The following KCNH1 variants were observed in gnomAD, a reference collection of about 807,000 sequenced individuals.
KCNH1 encodes the protein potassium voltage-gated channel subfamily H member 1.
A neutral mutation model predicts 69.2 loss-of-function variants in KCNH1; 27 were observed. The observed-to-expected ratio is 0.39, with a 90% CI of 0.29 to 0.54. KCNH1 has a LOEUF of 0.54. Ranked by LOEUF, KCNH1 falls within the 20% of genes least tolerant of loss-of-function variation. The pLI is 0.68. For synonymous variants in KCNH1, 456 were observed against 487.7 expected (o/e 0.93, Z 0.86); for missense variants, 798 against 1,261.6 (o/e 0.63, Z 5.57).
intron 8 of KCNH1, among the ~76,000 whole-genome samples, chr1:210,799,202 C>T (rs1404572293): frequency 6.6e-6 from 1 of 152,100 alleles, no homozygotes; most frequent in Non-Finnish European, 1.5e-5. Context: ...AATCCTCCCA[C>T]AAACTGTATG....
Position 210,683,615 on chromosome 1 carries a change from G to C in KCNH1, c.2636C>G (p.Ser879Trp). The change falls in exon 11 of 11, where the codon TCG (serine) becomes TGG (tryptophan). Residue 879 changes from serine to tryptophan, a missense_variant. Around this residue, in one of 4 missense-constraint regions of KCNH1, gnomAD observed 331 missense variants for 363.2 expected, o/e 0.91. Transcript: ENST00000271751. The surrounding 1 kb of genome is among the most constrained non-coding windows in gnomAD (Gnocchi z 5.7). ...GCTCTTGGTGATGCCACTGTCACACGAGTCTGTCTTCTTCAGTGTGGCCTC... is the reference window on the plus strand; with the variant it reads ...GCTCTTGGTGATGCCACTGTCACACCAGTCTGTCTTCTTCAGTGTGGCCTC... ...SGEATLKKTD[S>W]CDSGITKSDL... 1 of 1,614,164 alleles carries C rather than the reference G, an allele frequency of 6.2e-7. No individual in the cohort carries two copies. Among genetic ancestry groups the C allele is most frequent in the East Asian group, 2.2e-5 (1 of 44,866 alleles).
rs181744981 is a variant in KCNH1, at chr1:211,001,239, G to C, written c.1032+17544C>G. Reference sequence around the variant, plus strand: ...GAGTGAACAGGCAACCTACAGAGTGGGAGAACATTTTTGCAATCTACTCAT... The same window carrying C: ...GAGTGAACAGGCAACCTACAGAGTGCGAGAACATTTTTGCAATCTACTCAT... On this transcript the variant is annotated intron_variant, in intron 6 of 10. Coordinates refer to ENST00000271751, the MANE Select transcript of KCNH1 (RefSeq NM_172362.3). Among the ~76,000 whole-genome samples the C allele has an allele frequency of 3.9e-3, 593 of 152,198 alleles. 1 individual carries two copies. The highest frequency in any genetic ancestry group is 7.7e-3 in the Non-Finnish European group (527 of 68,016).
intron 10 of KCNH1, among the ~76,000 whole-genome samples, chr1:210,693,855 AACTC>A (rs1207200585): frequency 2.0e-5 from 3 of 152,060 alleles, no homozygotes; most frequent in Admixed American, 6.5e-5. Context: ...CATGCTAACT[AACTC>A]ACTCCTACAG....
At chr1:210,924,677 C>T (rs1687531518) in intron 6 of KCNH1, among the ~76,000 whole-genome samples, 1 of 152,208 alleles carries the variant, frequency 6.6e-6, no homozygotes, top group Admixed American at 6.5e-5. Context: ...GCTGTCAGAG[C>T]TTCTGCACAC....
rs150560371 is a variant in KCNH1, at chr1:210,876,325, A to G, written c.1462+43315T>C. Reference sequence around the variant, plus strand: ...ATCTCTGTTTGGCATCTCAAATTTTACAATACCAAACCTGAATCCTTCCAT... The same window carrying G: ...ATCTCTGTTTGGCATCTCAAATTTTGCAATACCAAACCTGAATCCTTCCAT... On this transcript the variant is annotated intron_variant, in intron 7 of 10. Coordinates refer to ENST00000271751, the MANE Select transcript of KCNH1 (RefSeq NM_172362.3). Among the ~76,000 whole-genome samples the G allele has an allele frequency of 2.7e-3, 404 of 152,310 alleles. 1 individual carries two copies. The highest frequency in any genetic ancestry group is 9.2e-3 in the African/African-American group (381 of 41,578).
chr1:210,728,918 T>C lies in KCNH1; in HGVS notation c.2113-44780A>G, dbSNP rs1338918775. On this transcript the variant is annotated intron_variant, in intron 10 of 10. Transcript: ENST00000271751. ...CAACCTGCTAAAGGGCCCTCATTAG[T>C]AGGGCCCGAATTGCCTGGAACATTC... Among the ~76,000 whole-genome samples the C allele has an allele frequency of 2.0e-5, 3 of 152,302 alleles. No individual in the cohort carries two copies. The South Asian group carries it at 6.2e-4, about 32-fold the overall frequency.
At chr1:211,132,915 A>T (rs753757856) in intron 1 of KCNH1, 1 of 152,124 alleles carries the variant, frequency 6.6e-6, no homozygotes, top group Non-Finnish European at 1.5e-5. Context: ...GTCGCTCTGC[A>T]AGTGCTTAGT....
At chr1:210,984,208 G>A (rs968255222) in intron 6 of KCNH1, among the ~76,000 whole-genome samples, 11 of 152,206 alleles carry the variant, frequency 7.2e-5, no homozygotes, top group Non-Finnish European at 1.5e-4. Flanking sequence ...ATACAATCAT[G>A]TCATCTGCAA....
At chr1:211,097,672 A>G (rs1691181751) in intron 3 of KCNH1, among the ~76,000 whole-genome samples, 1 of 152,166 alleles carries the variant, frequency 6.6e-6, no homozygotes, top group Non-Finnish European at 1.5e-5. Context: ...TTACATCTAT[A>G]TCTCTGTGAC....
rs1405963556 is a variant in KCNH1 at position 211,111,632 on chromosome 1, GC to G, written c.80-4256del. On this transcript the variant is annotated intron_variant, in intron 1 of 10. Coordinates refer to ENST00000271751, the MANE Select transcript of KCNH1 (RefSeq NM_172362.3). Reference sequence around the variant, plus strand: ...GTTGGAGCGCCTCTGCCCGGCCCCCGCCCCGTCTGGGAAGTGAGGAGCCCCT... The same window carrying G: ...GTTGGAGCGCCTCTGCCCGGCCCCCGCCCGTCTGGGAAGTGAGGAGCCCCT... 3.1e-5 allele frequency among the ~76,000 whole-genome samples: 4 copies of G among 131,036 alleles called. No homozygotes were observed. The South Asian group carries it at 8.0e-4, about 26-fold the overall frequency. 86.0% of individuals were successfully genotyped at this position (131,036 alleles called of 152,430 possible).
chr1:210,729,753 CT>C (rs200298543), intron 10 of KCNH1, among the ~76,000 whole-genome samples: 3,168 of 152,224 alleles, frequency 0.021, 61 homozygotes, highest in Middle Eastern at 0.034. Context: ...CTGATAAAAC[CT>C]TTCATCCTGG....
intron 6 of KCNH1, among the ~76,000 whole-genome samples, chr1:210,995,267 C>T (rs1265169860): frequency 6.6e-6 from 1 of 152,074 alleles, no homozygotes; most frequent in African/African-American, 2.4e-5. Context: ...TTCCTTTTTT[C>T]CCCTTGGAAC....
chr1:210,836,810 G>A (rs886345128), intron 7 of KCNH1, among the ~76,000 whole-genome samples: 1 of 152,144 alleles, frequency 6.6e-6, no homozygotes, highest in East Asian at 1.9e-4. Flanking sequence ...GGTACTGGCC[G>A]CTGAACCAAT....
intron 6 of KCNH1, among the ~76,000 whole-genome samples, chr1:211,000,289 T>A (rs1210434137): frequency 6.6e-6 from 1 of 152,194 alleles, no homozygotes; most frequent in African/African-American, 2.4e-5. Flanking sequence ...AAAATCTCCT[T>A]AAGCTGATAA....
chr1:211,049,236 G>A (rs941910126), intron 5 of KCNH1, among the ~76,000 whole-genome samples: 3 of 152,192 alleles, frequency 2.0e-5, no homozygotes, highest in Non-Finnish European at 4.4e-5. Flanking sequence ...AAATGCATAT[G>A]TAAAAGTACT....
intron 10 of KCNH1, among the ~76,000 whole-genome samples, chr1:210,706,959 C>T (rs1030780026): frequency 9.9e-5 from 15 of 152,276 alleles, no homozygotes; most frequent in African/African-American, 3.1e-4. Context: ...GGCATCACAC[C>T]GAAGGCTGGG....
At chr1:210,688,370 T>G (rs1278523382) in intron 10 of KCNH1, among the ~76,000 whole-genome samples, 1 of 152,216 alleles carries the variant, frequency 6.6e-6, no homozygotes, top group Non-Finnish European at 1.5e-5. Flanking sequence ...AGGACTCCAT[T>G]GCAGATGCAT....
intron 9 of KCNH1, among the ~76,000 whole-genome samples, chr1:210,790,771 C>T (rs1408752231): frequency 1.3e-5 from 2 of 152,202 alleles, no homozygotes; most frequent in Non-Finnish European, 1.5e-5. Context: ...GCCTCCTGGT[C>T]TCTCCGTTCA....
At chr1:210,916,412 C>A (rs1687334278) in intron 7 of KCNH1, among the ~76,000 whole-genome samples, 1 of 152,190 alleles carries the variant, frequency 6.6e-6, no homozygotes. Flanking sequence ...CCTGAGTCTG[C>A]ACCATAATCT....
Sources: allele counts gnomAD v4.1 joint callset (sites outside exome capture counted in the v4.1 genomes callset), GRCh38; gene constraint gnomAD v4.1.1; regional missense constraint gnomAD v4.1.1; non-coding constraint Gnocchi (gnomAD v3.1); transcripts MANE v1.5; gene names NCBI Gene and HGNC (gene_info 2026-07-23, HGNC 2026-07-21).